Variants in PALLD observed in about 807,000 individuals in gnomAD.
PALLD encodes palladin, cytoskeletal associated protein, also known as palladin.
Under a neutral mutation model 123.5 loss-of-function variants are expected in PALLD, and 61 were observed. The observed-to-expected ratio is 0.49, with a 90% confidence interval of 0.40 to 0.61. The LOEUF is 0.61. PALLD is among the 20% of genes least tolerant of loss of function. PALLD has a pLI of 0.00. For missense variants in PALLD, 1,273 were observed against 1,377.0 expected, an observed-to-expected ratio of 0.92 and a Z score of 1.20; for synonymous variants, 465 against 496.4, an observed-to-expected ratio of 0.94 and a Z score of 0.84.
chr4:168,740,010 A>T (rs575488240), intron 10 of PALLD, among the ~76,000 whole-genome samples: 1 of 152,330 alleles, frequency 6.6e-6, no homozygotes, highest in South Asian at 2.1e-4. Flanking sequence ...TTATATAAAC[A>T]ACAGGCAGCA....
intron 2 of PALLD, among the ~76,000 whole-genome samples, chr4:168,554,474 C>T (rs897602834): frequency 6.6e-6 from 1 of 152,156 alleles, no homozygotes; most frequent in Non-Finnish European, 1.5e-5. Flanking sequence ...TGTTGAACAC[C>T]TCTATGTCAG....
At position 168,796,640 on chromosome 4, in the gene PALLD, A is replaced by G. The variant is rs1361212241; in HGVS notation, c.1964+84717A>G. ...ATGAGATGAAAACCACTGGTGGCTG[A>G]TAAGTATTCAAATGGCATATCTTCT... is the stretch of plus-strand genomic sequence containing the variant. On this transcript the variant is annotated intron_variant, in intron 10 of 21. Coordinates refer to ENST00000505667, the MANE Select transcript of PALLD (RefSeq NM_001166108.2). Among the ~76,000 whole-genome samples the G allele has an allele frequency of 3.3e-5, 5 of 152,212 alleles. No homozygotes were observed. The East Asian group carries it at 9.6e-4, about 29-fold the overall frequency.
intron 10 of PALLD, among the ~76,000 whole-genome samples, chr4:168,717,061 AATTATCGCATAC>A (rs1397296938): frequency 2.0e-5 from 3 of 152,086 alleles, no homozygotes; most frequent in Non-Finnish European, 4.4e-5. Flanking sequence ...CATCCTCATT[AATTATCGCATAC>A]CACATAATTA....
chr4:168,842,226 A>G (rs1406095153), intron 10 of PALLD, among the ~76,000 whole-genome samples: 2 of 152,244 alleles, frequency 1.3e-5, no homozygotes, highest in African/African-American at 4.8e-5. Context: ...AAGTTAAAAA[A>G]AGAAAAACAA....
chr4:168,794,504 A>ACGCG (rs565730671), intron 10 of PALLD, among the ~76,000 whole-genome samples: 7 of 134,326 alleles, frequency 5.2e-5, no homozygotes, highest in African/African-American at 2.1e-4. Flanking sequence ...GCACACACAC[A>ACGCG]CGCACACACA....
chr4:168,894,241 A>C (rs1356705855), intron 11 of PALLD: 1 of 323,382 alleles, frequency 3.1e-6, no homozygotes, highest in Admixed American at 4.5e-5. Context: ...CATTTCTTTT[A>C]AATTGTATTT....
intron 10 of PALLD, among the ~76,000 whole-genome samples, chr4:168,855,193 C>T (rs938064651): frequency 6.7e-6 from 1 of 148,566 alleles, no homozygotes; most frequent in Non-Finnish European, 1.5e-5. Flanking sequence ...CGGGTTCAAG[C>T]GATTCTCCTG....
chr4:168,580,797 A>G (rs999145545), intron 2 of PALLD, among the ~76,000 whole-genome samples: 1 of 152,148 alleles, frequency 6.6e-6, no homozygotes, highest in South Asian at 2.1e-4. Flanking sequence ...GCAGCCAAAA[A>G]AAACGAGATC....
chr4:168,668,454 C>G, intron 3 of PALLD, 86 bp downstream of exon 3: 2 of 1,092,570 alleles, frequency 1.8e-6, no homozygotes, highest in Non-Finnish European at 1.3e-6. Flanking sequence ...ATGTGCCTTT[C>G]CAATGCAAAT....
At chr4:168,533,948 T>A (rs78532338) in intron 2 of PALLD, among the ~76,000 whole-genome samples, 7 of 152,306 alleles carry the variant, frequency 4.6e-5, no homozygotes, top group Non-Finnish European at 8.8e-5. Flanking sequence ...ACTGACAATG[T>A]CATTTCTTCT....
rs1173160966 is a variant in PALLD, at chr4:168,869,964, G to T, written c.1965-20958G>T. Among the ~76,000 whole-genome samples, 8 of 152,194 alleles carry T rather than the reference G, an allele frequency of 5.3e-5. No homozygotes were observed. Among genetic ancestry groups the T allele is most frequent in the Admixed American group, 5.2e-4 (8 of 15,280 alleles). On this transcript the variant is annotated intron_variant, in intron 10 of 21. Transcript: ENST00000505667. The surrounding 1 kb of genome is among the most constrained non-coding windows in gnomAD (Gnocchi z 4.5). ...CAGAAGTAAGAGAACAAGGAGAGTT[G>T]TTAGTGATGTCAAGGGAGAAGAGTG...
chr4:168,631,795 C>T (rs1775841941), intron 2 of PALLD: 2 of 985,284 alleles, frequency 2.0e-6, no homozygotes, highest in African/African-American at 1.7e-5. Context: ...CAAACGAGAT[C>T]GCATTCAGAG....
At chr4:168,922,096 T>TACACACACAC (rs1464630467) in intron 18 of PALLD, among the ~76,000 whole-genome samples, 3 of 104,888 alleles carry the variant, frequency 2.9e-5, no homozygotes, top group African/African-American at 9.6e-5. Context: ...TATATATATA[T>TACACACACAC]ATATATACAC....
intron 2 of PALLD, among the ~76,000 whole-genome samples, chr4:168,548,712 G>A (rs972802269): frequency 1.3e-5 from 2 of 152,084 alleles, no homozygotes; most frequent in African/African-American, 4.8e-5. Flanking sequence ...ATATAATAAA[G>A]GATAATAAGG....
intron 10 of PALLD, among the ~76,000 whole-genome samples, chr4:168,849,011 AT>A (rs1051332620): frequency 1.3e-5 from 2 of 152,116 alleles, no homozygotes; most frequent in Admixed American, 6.5e-5. Context: ...GGCTGTGAGA[AT>A]TTTTTTCGTT....
In PALLD at chr4:168,711,877, C is replaced by T; in HGVS notation, c.1918C>T (p.Leu640Phe). The T allele has an allele frequency of 1.2e-6, 2 of 1,614,102 alleles. No individual in the cohort carries two copies. Among genetic ancestry groups the T allele is most frequent in the Non-Finnish European group, 8.5e-7 (1 of 1,180,014 alleles). The change falls in exon 10 of 22, where the codon CTT (leucine) becomes TTT (phenylalanine). Residue 640 changes from leucine (L) to phenylalanine (F), a missense_variant. By Grantham distance (22) the Leu-to-Phe change is conservative (BLOSUM62 0). Around this residue, in one of 2 missense-constraint regions of PALLD, gnomAD observed 944 missense variants for 954.5 expected, o/e 0.99. Coordinates refer to ENST00000505667, the MANE Select transcript of PALLD (RefSeq NM_001166108.2). Reference protein sequence around the residue: ...NKSLPTPAVLLSPTKEPPPLL... With the variant: ...NKSLPTPAVLFSPTKEPPPLL... ...ATCTCTTCCAACACCAGCTGTCCTG[C>T]TTTCACCCACTAAGGAGCCACCACC...
At chr4:168,642,465 G>A (rs1182291893) in intron 2 of PALLD, among the ~76,000 whole-genome samples, 5 of 151,996 alleles carry the variant, frequency 3.3e-5, no homozygotes, top group Admixed American at 1.3e-4. Context: ...GAAGTGGCGC[G>A]ATCTTAGCTT....
At chr4:168,795,283 G>C (rs1354720982) in intron 10 of PALLD, among the ~76,000 whole-genome samples, 1 of 152,142 alleles carries the variant, frequency 6.6e-6, no homozygotes, top group African/African-American at 2.4e-5. Context: ...AGTGTTTTTG[G>C]TAACCCACTG....
At chr4:168,783,265 G>A (rs1259105764) in intron 10 of PALLD, among the ~76,000 whole-genome samples, 1 of 152,116 alleles carries the variant, frequency 6.6e-6, no homozygotes, top group African/African-American at 2.4e-5. Flanking sequence ...ATTAAAGGAA[G>A]ATTTTAAAAC....
Sources: allele counts gnomAD v4.1 joint callset (sites outside exome capture counted in the v4.1 genomes callset), GRCh38; gene constraint gnomAD v4.1.1; regional missense constraint gnomAD v4.1.1; non-coding constraint Gnocchi (gnomAD v3.1); transcripts MANE v1.5; gene names NCBI Gene and HGNC (gene_info 2026-07-23, HGNC 2026-07-21).